The following CRADD variants were observed in gnomAD, a reference collection of about 807,000 sequenced individuals.
CRADD encodes the protein death domain-containing protein CRADD.
CRADD carries 9 observed loss-of-function variants against 15.5 expected under a neutral mutation model. The observed-to-expected ratio is 0.58, with a 90% CI of 0.35 to 1.01. CRADD has a LOEUF of 1.01. CRADD is among the 50% of genes least tolerant of loss of function. The probability of loss-of-function intolerance (pLI) is 0.02; values close to 1 mark genes in which losing one functional copy is unlikely to be tolerated. For synonymous variants in CRADD, 118 were observed against 107.6 expected (o/e 1.10, Z -0.60); for missense variants, 227 against 250.3 (o/e 0.91, Z 0.63).
intron 2 of CRADD, among the ~76,000 whole-genome samples, chr12:93,766,328 T>C (rs918511430): frequency 2.0e-5 from 3 of 152,220 alleles, no homozygotes; most frequent in African/African-American, 7.2e-5. Flanking sequence ...CATTGCAATG[T>C]CTTTTACTAC....
intron 2 of CRADD, among the ~76,000 whole-genome samples, chr12:93,713,654 T>C (rs1956113430): frequency 6.6e-6 from 1 of 152,182 alleles, no homozygotes; most frequent in South Asian, 2.1e-4. Flanking sequence ...TTATTGTTTA[T>C]TTAAAAAATA....
intron 2 of CRADD, among the ~76,000 whole-genome samples, chr12:93,825,804 C>T (rs1957817280): frequency 6.6e-6 from 1 of 152,226 alleles, no homozygotes. Flanking sequence ...CTCTCCCTAA[C>T]TTTTCAGACC....
At chr12:93,698,351 A>T (rs1955760975) in intron 2 of CRADD, among the ~76,000 whole-genome samples, 1 of 152,166 alleles carries the variant, frequency 6.6e-6, no homozygotes, top group African/African-American at 2.4e-5. Context: ...GAAGATTACG[A>T]GTATGTGTGT....
In CRADD at chr12:93,680,231, A is replaced by G. The variant is rs144537155; in HGVS notation, c.298+1159A>G. ...AAAAGTAATTGAAAGTTGGCTTGCA[A>G]ATTTTTAACAAAGTTAGAGAATCAA... On this transcript the variant is annotated intron_variant, in intron 2 of 2. Transcript: ENST00000332896. 2.2e-3 allele frequency among the ~76,000 whole-genome samples: 340 copies of G among 152,214 alleles called. 2 individuals are homozygous for G. Among genetic ancestry groups the G allele is most frequent in the African/African-American group, 7.9e-3 (328 of 41,488 alleles).
chr12:93,687,641 C>G (rs539307732), intron 2 of CRADD, among the ~76,000 whole-genome samples: 1 of 152,326 alleles, frequency 6.6e-6, no homozygotes, highest in South Asian at 2.1e-4. Context: ...CTCACTGCTT[C>G]CAAGTCGTGG....
chr12:93,879,020 A>G (rs1958477210), intron 2 of CRADD, among the ~76,000 whole-genome samples: 1 of 151,582 alleles, frequency 6.6e-6, no homozygotes, highest in Non-Finnish European at 1.5e-5. Flanking sequence ...TATTAAGCAG[A>G]TTTTTTTCTT....
intron 2 of CRADD, among the ~76,000 whole-genome samples, chr12:93,830,252 G>A (rs566719671): frequency 1.2e-4 from 18 of 152,276 alleles, no homozygotes; most frequent in Admixed American, 9.2e-4. Flanking sequence ...AAGGCTCCCA[G>A]AAAGCTTCTT....
chr12:93,687,509 C>T (rs941590803), intron 2 of CRADD, among the ~76,000 whole-genome samples: 2 of 152,170 alleles, frequency 1.3e-5, no homozygotes, highest in Non-Finnish European at 2.9e-5. Flanking sequence ...AAGGCACACA[C>T]GGGCATGCCC....
At chr12:93,777,013 T>C (rs1051143219) in intron 2 of CRADD, among the ~76,000 whole-genome samples, 10 of 152,214 alleles carry the variant, frequency 6.6e-5, no homozygotes, top group Non-Finnish European at 1.3e-4. Flanking sequence ...ATACTTTAAA[T>C]GGGTGAATTT....
chr12:93,701,858 C>A (rs929949851), intron 2 of CRADD, among the ~76,000 whole-genome samples: 1 of 152,092 alleles, frequency 6.6e-6, no homozygotes, highest in Non-Finnish European at 1.5e-5. Context: ...TTTCCCCCCA[C>A]CCCACTTTCT....
chr12:93,753,978 G>GTCC (rs1218696407), intron 2 of CRADD, among the ~76,000 whole-genome samples: 1 of 152,244 alleles, frequency 6.6e-6, no homozygotes, highest in Non-Finnish European at 1.5e-5. Context: ...CTTCTGCACT[G>GTCC]TCCTAGCATA....
intron 2 of CRADD, chr12:93,837,887 A>C (rs1957992875): frequency 6.6e-6 from 1 of 152,246 alleles, no homozygotes; most frequent in African/African-American, 2.4e-5. Flanking sequence ...TATACTACCC[A>C]GGCTTCCTAA....
intron 2 of CRADD, among the ~76,000 whole-genome samples, chr12:93,731,830 A>C (rs1956470112): frequency 6.6e-6 from 1 of 152,158 alleles, no homozygotes; most frequent in Non-Finnish European, 1.5e-5. Context: ...TAATCTTCAA[A>C]ATTTATTATG....
At chr12:93,811,599 A>T (rs1346289231) in intron 2 of CRADD, among the ~76,000 whole-genome samples, 1 of 152,226 alleles carries the variant, frequency 6.6e-6, no homozygotes, top group Non-Finnish European at 1.5e-5. Flanking sequence ...CGGGCAAGTG[A>T]TTTAATCTCT....
intron 2 of CRADD, among the ~76,000 whole-genome samples, chr12:93,821,127 T>G (rs533724199): frequency 2.0e-4 from 30 of 152,180 alleles, no homozygotes; most frequent in Non-Finnish European, 4.4e-4. Context: ...TTACCTAAAA[T>G]ATAGACCCAT....
intron 2 of CRADD, among the ~76,000 whole-genome samples, chr12:93,688,754 A>G (rs1439726093): frequency 6.6e-6 from 1 of 152,198 alleles, no homozygotes; most frequent in Non-Finnish European, 1.5e-5. Context: ...CATAAAGTCA[A>G]ATTTCACTTC....
chr12:93,886,270 C>G (rs1958537150), intron 2 of CRADD, among the ~76,000 whole-genome samples: 2 of 151,206 alleles, frequency 1.3e-5, no homozygotes, highest in Non-Finnish European at 2.9e-5. Flanking sequence ...GCTCGATCCT[C>G]CCACCTCAGT....
In CRADD at chr12:93,838,408, A is replaced by G. The variant is rs539775951; in HGVS notation, c.299-11562A>G. ...TCCACTCCACCACTCTACTCACTCCACTCACTCCACTCACATTAGCTACAG... is the reference window on the plus strand; with the variant it reads ...TCCACTCCACCACTCTACTCACTCCGCTCACTCCACTCACATTAGCTACAG... On this transcript the variant is annotated intron_variant, in intron 2 of 2. Transcript: ENST00000332896. Among the ~76,000 whole-genome samples the G allele has an allele frequency of 2.5e-4, 38 of 150,132 alleles. No homozygotes were observed. In the South Asian group the frequency reaches 4.2e-3, roughly 17 times the overall value.
chr12:93,796,416 G>A (rs907477341), intron 2 of CRADD, among the ~76,000 whole-genome samples: 1 of 151,822 alleles, frequency 6.6e-6, no homozygotes, highest in Non-Finnish European at 1.5e-5. Flanking sequence ...ACCAGCCTGG[G>A]CAACATGGTG....
Sources: gnomAD v4.1 joint callset for allele counts (sites outside exome capture counted in the v4.1 genomes callset) on GRCh38, gnomAD v4.1.1 for gene constraint, MANE v1.5 for transcripts, NCBI Gene and HGNC (gene_info 2026-07-23, HGNC 2026-07-21) for gene names.